The following ZNF710 variants were observed in gnomAD, a reference collection of about 807,000 sequenced individuals.
ZNF710 encodes zinc finger protein 710.
ZNF710 carries 13 observed loss-of-function variants against 50.6 expected under a neutral mutation model. That is an observed-to-expected ratio of 0.26 (90% CI 0.17 to 0.41). ZNF710 has a LOEUF of 0.41. ZNF710 is among the 10% of genes least tolerant of loss of function. The pLI, the probability that ZNF710 is intolerant of heterozygous loss-of-function variation, is 1.00. For missense variants in ZNF710, 721 were observed against 936.6 expected (o/e 0.77, Z 3.01); for synonymous variants, 383 against 397.0 (o/e 0.96, Z 0.42).
intron 1 of ZNF710, among the ~76,000 whole-genome samples, chr15:90,041,473 T>C (rs1338630970): frequency 6.6e-6 from 1 of 152,208 alleles, no homozygotes; most frequent in East Asian, 1.9e-4. Context: ...ATTATAGGTA[T>C]GAGCCACTGG....
At chr15:90,063,219 C>T (rs1380621477) in intron 1 of ZNF710, among the ~76,000 whole-genome samples, 1 of 152,182 alleles carries the variant, frequency 6.6e-6, no homozygotes, top group Non-Finnish European at 1.5e-5. Flanking sequence ...TCCGCGGGTG[C>T]ATAGCTGCAG....
At chr15:90,074,423 A>AG in intron 4 of ZNF710, 133 bp downstream of exon 4, 1 of 1,546,914 alleles carries the variant, frequency 6.5e-7, no homozygotes, top group South Asian at 1.2e-5. Context: ...CAGGTCTGGA[A>AG]GGGGGGTACC....
intron 1 of ZNF710, among the ~76,000 whole-genome samples, chr15:90,003,713 T>A (rs1334367162): frequency 6.6e-6 from 1 of 152,174 alleles, no homozygotes; most frequent in African/African-American, 2.4e-5. Context: ...TTAAAGAGAA[T>A]GTTATTTTCT....
chr15:90,018,423 C>T (rs886581468), intron 1 of ZNF710, among the ~76,000 whole-genome samples: 2 of 152,118 alleles, frequency 1.3e-5, no homozygotes, highest in South Asian at 2.1e-4. Flanking sequence ...CTACCGTGGC[C>T]TCCCAAAGTG....
At chr15:90,023,831 T>C (rs953977745) in intron 1 of ZNF710, among the ~76,000 whole-genome samples, 2 of 152,068 alleles carry the variant, frequency 1.3e-5, no homozygotes, top group East Asian at 3.9e-4. Context: ...ACCCGGTCTC[T>C]ACCAAAAATA....
intron 1 of ZNF710, among the ~76,000 whole-genome samples, chr15:90,049,135 A>G (rs907973979): frequency 4.6e-5 from 7 of 152,216 alleles, no homozygotes; most frequent in Non-Finnish European, 8.8e-5. Flanking sequence ...TAAACTGACC[A>G]TTTATCAGAA....
chr15:90,003,249 G>T (rs1217116521), intron 1 of ZNF710, among the ~76,000 whole-genome samples: 3 of 152,160 alleles, frequency 2.0e-5, no homozygotes, highest in Admixed American at 1.3e-4. Context: ...GCTGCAGGCC[G>T]AGTGCCCACC....
At chr15:90,001,955 G>T (rs1260247631) in intron 1 of ZNF710, among the ~76,000 whole-genome samples, 1 of 141,672 alleles carries the variant, frequency 7.1e-6, no homozygotes, top group Non-Finnish European at 1.5e-5. Context: ...AGAGGGAGGA[G>T]AGCGCGCGAA....
chr15:90,042,193 G>A (rs930461669), intron 1 of ZNF710, among the ~76,000 whole-genome samples: 3 of 152,084 alleles, frequency 2.0e-5, no homozygotes, highest in Admixed American at 1.3e-4. Context: ...CACCGTGCCC[G>A]GCCCCTGTGC....
intron 1 of ZNF710, among the ~76,000 whole-genome samples, chr15:90,023,091 C>T (rs1020612396): frequency 6.6e-6 from 1 of 152,142 alleles, no homozygotes; most frequent in Admixed American, 6.5e-5. Flanking sequence ...CCCCATTTTA[C>T]GGACAGGGAA....
At position 90,049,589 on chromosome 15, in the gene ZNF710, T is replaced by C. The variant is rs574246832; in HGVS notation, c.-28-17521T>C. Among the ~76,000 whole-genome samples, 4 of 152,276 alleles carry C rather than the reference T, an allele frequency of 2.6e-5. No individual in the cohort carries two copies. The East Asian group carries it at 7.7e-4, about 29-fold the overall frequency. ...GCTTCCAAGCTCCTACAGGTCATCC[T>C]CTGTGATCCGGATTGAAGAGGAAAC... On this transcript the variant is annotated intron_variant, in intron 1 of 4. Coordinates refer to ENST00000268154, the MANE Select transcript of ZNF710 (RefSeq NM_198526.4).
At chr15:90,019,112 A>G (rs1389990351) in intron 1 of ZNF710, among the ~76,000 whole-genome samples, 1 of 150,562 alleles carries the variant, frequency 6.6e-6, no homozygotes, top group Non-Finnish European at 1.5e-5. Context: ...AGTATATTGT[A>G]TAGCCCCCCC....
intron 1 of ZNF710, among the ~76,000 whole-genome samples, chr15:90,023,608 C>G (rs924989869): frequency 1.3e-5 from 2 of 152,174 alleles, no homozygotes; most frequent in African/African-American, 4.8e-5. Flanking sequence ...CTCTTGAGCC[C>G]AAGAGTTCAC....
chr15:90,074,007 A>AC (rs1235647503), intron 3 of ZNF710, 109 bp from the exon 4 acceptor site: 32 of 1,245,324 alleles, frequency 2.6e-5, no homozygotes, highest in South Asian at 1.3e-4. Context: ...AAACAAAAAA[A>AC]AAAAACAAAA....
intron 1 of ZNF710, among the ~76,000 whole-genome samples, chr15:90,031,442 T>A (rs998954150): frequency 1.3e-5 from 2 of 152,224 alleles, no homozygotes; most frequent in Non-Finnish European, 2.9e-5. Flanking sequence ...CCTCAGCACA[T>A]TTGAGAAGCA....
intron 1 of ZNF710, among the ~76,000 whole-genome samples, chr15:90,024,375 G>T (rs1898710039): frequency 1.3e-5 from 2 of 152,230 alleles, no homozygotes; most frequent in South Asian, 4.1e-4. Context: ...ACCAGACTAT[G>T]TTGGGGGTGG....
Position 90,056,401 on chromosome 15 carries a change from C to T in ZNF710, c.-28-10709C>T, listed in dbSNP as rs191747422. ...TGCACTCCAGCCTAGGCAACAAGAG[C>T]GAAACTCCGTCTCAAAAAAAAAAGA... On this transcript the variant is annotated intron_variant, in intron 1 of 4. Transcript: ENST00000268154. 3.8e-4 allele frequency among the ~76,000 whole-genome samples: 58 copies of T among 152,014 alleles called. 1 individual carries two copies. In the East Asian group the frequency reaches 0.01, roughly 26 times the overall value.
chr15:90,008,455 T>TATATACAC (rs1898210262), intron 1 of ZNF710, among the ~76,000 whole-genome samples: 1 of 130,724 alleles, frequency 7.6e-6, no homozygotes, highest in African/African-American at 3.2e-5. Flanking sequence ...TATATATATG[T>TATATACAC]ATATATATAT....
intron 1 of ZNF710, among the ~76,000 whole-genome samples, chr15:90,039,448 T>G (rs1261348037): frequency 1.3e-5 from 2 of 152,194 alleles, no homozygotes; most frequent in Non-Finnish European, 2.9e-5. Flanking sequence ...TGACCCACTG[T>G]GGGGCTTTCT....
Sources: gnomAD v4.1 joint callset for allele counts (sites outside exome capture counted in the v4.1 genomes callset) on GRCh38, gnomAD v4.1.1 for gene constraint, MANE v1.5 for transcripts, NCBI Gene and HGNC (gene_info 2026-07-23, HGNC 2026-07-21) for gene names.